The following EBF3 variants were observed in gnomAD, a reference collection of about 807,000 sequenced individuals.
The protein encoded by EBF3 is transcription factor COE3.
Under a neutral mutation model 77.1 loss-of-function variants are expected in EBF3, and 18 were observed. That is an observed-to-expected ratio of 0.23 (90% CI 0.16 to 0.35). The LOEUF (loss-of-function observed/expected upper bound fraction) is 0.35, where lower values mean the gene tolerates loss of function less well. EBF3 is among the 10% of genes least tolerant of loss of function. The pLI is 1.00. For missense variants in EBF3, 558 were observed against 860.0 expected, an observed-to-expected ratio of 0.65 and a Z score of 4.39; for synonymous variants, 350 against 343.5, an observed-to-expected ratio of 1.02 and a Z score of -0.21.
intron 6 of EBF3, among the ~76,000 whole-genome samples, chr10:129,904,292 C>A (rs1400531818): frequency 6.6e-6 from 1 of 152,216 alleles, no homozygotes; most frequent in East Asian, 1.9e-4. Flanking sequence ...TACAGCATCA[C>A]CCCAGAGTCA....
In EBF3 at chr10:129,885,420, G is replaced by A. The variant is rs1043435996; in HGVS notation, c.555-7571C>T. On this transcript the variant is annotated intron_variant, in intron 6 of 16. Transcript: ENST00000440978. This position sits in a 1 kb window ranked among gnomAD's most constrained non-coding sequence, Gnocchi z 4.0. The stretch of plus-strand genomic sequence containing the variant: ...CTTCGTCAGCCACCCCACTCCGCCC[G>A]CTGTCAGTGTTCTAGTTAGTATTTT... Among the ~76,000 whole-genome samples, 5 of 152,110 alleles carry A rather than the reference G, an allele frequency of 3.3e-5. No homozygotes were observed. Among genetic ancestry groups the A allele is most frequent in the Non-Finnish European group, 7.3e-5 (5 of 68,038 alleles).
At chr10:129,916,981 A>C (rs57239469) in intron 6 of EBF3, among the ~76,000 whole-genome samples, 2,255 of 152,332 alleles carry the variant, frequency 0.015, 52 homozygotes, top group African/African-American at 0.051. Context: ...GAAATCTAGA[A>C]TTCCCAGAAG....
chr10:129,891,138 G>A (rs1853992991), intron 6 of EBF3, among the ~76,000 whole-genome samples: 1 of 152,176 alleles, frequency 6.6e-6, no homozygotes, highest in South Asian at 2.1e-4. Flanking sequence ...GGGATATAGT[G>A]TAATACTAAT....
chr10:129,953,992 AC>A (rs1858858916), intron 6 of EBF3, among the ~76,000 whole-genome samples: 1 of 152,144 alleles, frequency 6.6e-6, no homozygotes, highest in Non-Finnish European at 1.5e-5. Flanking sequence ...CCTAATGAAG[AC>A]CATCTGCTTT....
chr10:129,883,633 C>T (rs958347960), intron 6 of EBF3, among the ~76,000 whole-genome samples: 1 of 152,072 alleles, frequency 6.6e-6, no homozygotes, highest in African/African-American at 2.4e-5. Context: ...CCGGATCGAG[C>T]CCCCATGTTT....
At chr10:129,839,886 A>G (rs1305040173) in intron 15 of EBF3, among the ~76,000 whole-genome samples, 1 of 152,232 alleles carries the variant, frequency 6.6e-6, no homozygotes, top group Non-Finnish European at 1.5e-5. Context: ...CCCCGGGCAA[A>G]GGCCCATTGG....
rs1011878227 is a variant in EBF3, at chr10:129,950,259, G to C, written c.554+6999C>G. 3.3e-5 allele frequency among the ~76,000 whole-genome samples: 5 copies of C among 152,278 alleles called. No individual in the cohort carries two copies. The South Asian group carries it at 6.2e-4, about 19-fold the overall frequency. ...TTTCCTAGTGAATTACTGGGAAGGC[G>C]CGGCTGCTGCCCCCACCACCGTTTG... On this transcript the variant is annotated intron_variant, in intron 6 of 16. Transcript: ENST00000440978.
intron 6 of EBF3, among the ~76,000 whole-genome samples, chr10:129,893,361 G>A (rs1854149836): frequency 6.6e-6 from 1 of 152,022 alleles, no homozygotes; most frequent in African/African-American, 2.4e-5. Context: ...AAGAAAATGT[G>A]CATACATTAT....
At chr10:129,898,389 G>T (rs990804342) in intron 6 of EBF3, among the ~76,000 whole-genome samples, 1 of 152,190 alleles carries the variant, frequency 6.6e-6, no homozygotes, top group Non-Finnish European at 1.5e-5. Context: ...GCTTTCTTTG[G>T]GGCGGCTGAG....
chr10:129,896,902 C>T (rs1484945188), intron 6 of EBF3, among the ~76,000 whole-genome samples: 1 of 152,128 alleles, frequency 6.6e-6, no homozygotes, highest in Non-Finnish European at 1.5e-5. Context: ...CCTGCCCACG[C>T]CGCCACCCCA....
At chr10:129,872,095 G>C (rs1852443589) in intron 8 of EBF3, among the ~76,000 whole-genome samples, 1 of 152,220 alleles carries the variant, frequency 6.6e-6, no homozygotes, top group African/African-American at 2.4e-5. Context: ...TAGCTCATTA[G>C]AGGAGGCTGA....
At chr10:129,881,563 G>A (rs952526904) in intron 6 of EBF3, among the ~76,000 whole-genome samples, 6 of 152,324 alleles carry the variant, frequency 3.9e-5, no homozygotes, top group South Asian at 2.1e-4. Context: ...GCAGAAGGGG[G>A]AAAGGTGTGA....
rs1460060355 is a variant in EBF3 at position 129,848,164 on chromosome 10, G to C, written c.1128+228C>G. Among the ~76,000 whole-genome samples, 1 of 152,208 alleles carries C rather than the reference G, an allele frequency of 6.6e-6. No individual in the cohort carries two copies. Among genetic ancestry groups the C allele is most frequent in the Non-Finnish European group, 1.5e-5 (1 of 68,042 alleles). The stretch of plus-strand genomic sequence containing the variant: ...TCCCTTAAAAAGATGGTCCTTTGGA[G>C]ATGAGATGTAAAACTCGAGCCGTCT... On this transcript the variant is annotated intron_variant, in intron 11 of 16. Coordinates refer to ENST00000440978, the MANE Select transcript of EBF3 (RefSeq NM_001375380.1). The surrounding 1 kb of genome is among the most constrained non-coding windows in gnomAD (Gnocchi z 4.4).
At chr10:129,862,274 G>A (rs1323472091) in intron 10 of EBF3, among the ~76,000 whole-genome samples, 2 of 152,174 alleles carry the variant, frequency 1.3e-5, no homozygotes, top group African/African-American at 2.4e-5. Flanking sequence ...TCCTTGTGCA[G>A]AAAATAATCA....
At chr10:129,945,362 C>T (rs764576344) in intron 6 of EBF3, among the ~76,000 whole-genome samples, 26 of 152,078 alleles carry the variant, frequency 1.7e-4, no homozygotes, top group Non-Finnish European at 3.2e-4. Flanking sequence ...TAACCGATTG[C>T]GATGGTCTAA....
At chr10:129,920,313 G>A (rs1564889746) in intron 6 of EBF3, among the ~76,000 whole-genome samples, 1 of 151,222 alleles carries the variant, frequency 6.6e-6, no homozygotes, top group Non-Finnish European at 1.5e-5. Flanking sequence ...CCGCTGTGCG[G>A]TCTAGGGCCA....
intron 4 of EBF3, among the ~76,000 whole-genome samples, chr10:129,960,446 G>A (rs1859416638): frequency 6.6e-6 from 1 of 152,330 alleles, no homozygotes; most frequent in South Asian, 2.1e-4. Flanking sequence ...CCAACGAGTC[G>A]CCTGGCGCTG....
chr10:129,924,430 C>CAACAACAAA (rs1856514049), intron 6 of EBF3, among the ~76,000 whole-genome samples: 1 of 108,454 alleles, frequency 9.2e-6, no homozygotes, highest in African/African-American at 3.6e-5. Context: ...ACAACAACAA[C>CAACAACAAA]AAAAAAAAAA....
intron 6 of EBF3, among the ~76,000 whole-genome samples, chr10:129,909,389 G>C (rs1315412015): frequency 6.6e-6 from 1 of 152,198 alleles, no homozygotes; most frequent in Non-Finnish European, 1.5e-5. Context: ...AAGCAACTTT[G>C]TTCACAACCT....
Sources: gnomAD v4.1 joint callset for allele counts (sites outside exome capture counted in the v4.1 genomes callset) on GRCh38, gnomAD v4.1.1 for gene constraint, Gnocchi (gnomAD v3.1) non-coding constraint, MANE v1.5 for transcripts, NCBI Gene and HGNC (gene_info 2026-07-23, HGNC 2026-07-21) for gene names.